The following PHF21A variants were observed in gnomAD, a reference collection of about 807,000 sequenced individuals.
PHF21A encodes the protein BHC80a.
PHF21A carries 11 observed loss-of-function variants against 82.5 expected under a neutral mutation model. The ratio of observed to expected loss-of-function variants is 0.13; its 90% confidence interval spans 0.08 to 0.22. The LOEUF (loss-of-function observed/expected upper bound fraction) is 0.22, where lower values mean the gene tolerates loss of function less well. Among genes scored for constraint, PHF21A ranks in the 10% least tolerant of loss-of-function variants. The probability of loss-of-function intolerance (pLI) is 1.00; values close to 1 mark genes in which losing one functional copy is unlikely to be tolerated. For missense variants in PHF21A, 579 were observed against 837.8 expected, an observed-to-expected ratio of 0.69 and a Z score of 3.81; for synonymous variants, 297 against 302.8, an observed-to-expected ratio of 0.98 and a Z score of 0.20.
intron 3 of PHF21A, 68 bp from the exon 4 acceptor site, chr11:46,084,370 T>G (rs2135262580): frequency 1.9e-6 from 1 of 532,284 alleles, no homozygotes; most frequent in East Asian, 3.6e-5. Context: ...GTTAAATAAA[T>G]TATGTTAGTA....
Position 45,979,833 on chromosome 11 carries a change from TGTA to T in PHF21A, c.284_286del (p.Leu95del), listed in dbSNP as rs756420499. 4 of 1,614,020 alleles carry T rather than the reference TGTA, an allele frequency of 2.5e-6. No individual in the cohort carries two copies. The highest frequency in any genetic ancestry group is 3.4e-6 in the Non-Finnish European group (4 of 1,180,030). On this transcript the variant is annotated inframe_deletion, in exon 7 of 19. Transcript: ENST00000676320. ...GTGGTGGTGGTACTGCTGCTGTTGT[TGTA>T]GTTGCTGTAGTGGTTGCTGCTGTGC...
intron 6 of PHF21A, among the ~76,000 whole-genome samples, chr11:46,033,353 C>T (rs957466231): frequency 5.3e-5 from 8 of 152,166 alleles, no homozygotes; most frequent in African/African-American, 1.9e-4. Context: ...CAGCCTCTGC[C>T]TCCTAGGCTC....
intron 6 of PHF21A, among the ~76,000 whole-genome samples, chr11:46,021,882 G>A (rs2095639735): frequency 6.6e-6 from 1 of 152,032 alleles, no homozygotes; most frequent in African/African-American, 2.4e-5. Context: ...CACATTTCAG[G>A]AATTCCTGAG....
At chr11:45,949,301 T>C in intron 13 of PHF21A, 101 bp downstream of exon 13, 2 of 945,404 alleles carry the variant, frequency 2.1e-6, no homozygotes. Context: ...CCAAGTACAA[T>C]CAGGGTGCTG....
chr11:46,023,825 G>A (rs909227333), intron 6 of PHF21A, among the ~76,000 whole-genome samples: 9 of 152,118 alleles, frequency 5.9e-5, no homozygotes, highest in African/African-American at 1.9e-4. Flanking sequence ...GTGTGGTGGC[G>A]GGTGCCTATA....
intron 6 of PHF21A, among the ~76,000 whole-genome samples, chr11:46,074,404 TA>T (rs1374434177): frequency 6.6e-6 from 1 of 150,838 alleles, no homozygotes; most frequent in Non-Finnish European, 1.5e-5. Flanking sequence ...TTTTAGTTAT[TA>T]AAGTGGAAGG....
At chr11:46,115,046 G>A (rs1372101135) in intron 1 of PHF21A, among the ~76,000 whole-genome samples, 1 of 152,152 alleles carries the variant, frequency 6.6e-6, no homozygotes, top group East Asian at 1.9e-4. Context: ...AAACATTTCT[G>A]TAACTGATTC....
chr11:46,082,335 G>A (rs1258595730), intron 4 of PHF21A, among the ~76,000 whole-genome samples: 1 of 152,126 alleles, frequency 6.6e-6, no homozygotes, highest in African/African-American at 2.4e-5. Context: ...TTCTGGCTTT[G>A]GTCTCAGCCT....
rs566810785 is a variant in PHF21A at position 46,011,918 on chromosome 11, A to G, written c.154-31952T>C. Among the ~76,000 whole-genome samples the G allele has an allele frequency of 5.3e-5, 8 of 152,364 alleles. No homozygotes were observed. In the South Asian group the frequency reaches 1.0e-3, roughly 20 times the overall value. On this transcript the variant is annotated intron_variant, in intron 6 of 18. Transcript: ENST00000676320. ...ACATTAATTTTAAAACATTAGGCAC[A>G]AAAATTAGAAGCAACCTGCACACTC...
intron 6 of PHF21A, among the ~76,000 whole-genome samples, chr11:46,013,651 T>G (rs1334522966): frequency 6.6e-6 from 1 of 152,170 alleles, no homozygotes; most frequent in Admixed American, 6.5e-5. Context: ...GCGAACATCA[T>G]ACAATGTACT....
chr11:46,004,262 A>G (rs569586502), intron 6 of PHF21A, among the ~76,000 whole-genome samples: 6 of 152,304 alleles, frequency 3.9e-5, no homozygotes, highest in African/African-American at 1.4e-4. Flanking sequence ...AAATAACTCA[A>G]TGCAAAAGAG....
chr11:45,988,541 TA>T (rs1482669521), intron 6 of PHF21A, among the ~76,000 whole-genome samples: 2 of 152,200 alleles, frequency 1.3e-5, no homozygotes, highest in Admixed American at 6.5e-5. Flanking sequence ...CTTAAAATCA[TA>T]ATTTAAAAAA....
intron 6 of PHF21A, chr11:46,026,706 G>T (rs555191300): frequency 6.6e-6 from 1 of 152,068 alleles, no homozygotes; most frequent in Non-Finnish European, 1.5e-5. Context: ...TTTTAAATCC[G>T]TAATTAAAAA....
intron 13 of PHF21A, 94 bp downstream of exon 13, chr11:45,949,308 G>A (rs1173841757): frequency 1.0e-6 from 1 of 990,360 alleles, no homozygotes; most frequent in Non-Finnish European, 1.6e-6. Context: ...CAATCAGGGT[G>A]CTGCTCTTCA....
chr11:46,077,048 A>G (rs1303012522), intron 5 of PHF21A, among the ~76,000 whole-genome samples: 1 of 152,234 alleles, frequency 6.6e-6, no homozygotes, highest in Non-Finnish European at 1.5e-5. Flanking sequence ...ACTGTTTTAA[A>G]TTACATGAAG....
At chr11:45,996,383 G>A (rs1418550774) in intron 6 of PHF21A, among the ~76,000 whole-genome samples, 2 of 152,160 alleles carry the variant, frequency 1.3e-5, no homozygotes, top group African/African-American at 2.4e-5. Context: ...GTATTTACTT[G>A]CTAAAGCATT....
intron 3 of PHF21A, among the ~76,000 whole-genome samples, chr11:46,087,271 G>C (rs1170846138): frequency 6.6e-6 from 1 of 152,188 alleles, no homozygotes; most frequent in Non-Finnish European, 1.5e-5. Context: ...AAAAGAAAAA[G>C]TTAAAACCAG....
At chr11:45,977,508 T>C (rs1427263687) in intron 7 of PHF21A, among the ~76,000 whole-genome samples, 2 of 152,212 alleles carry the variant, frequency 1.3e-5, no homozygotes, top group Non-Finnish European at 2.9e-5. Context: ...AAAACTCCTA[T>C]GTAACAGGAA....
At chr11:46,030,846 T>C (rs1045347636) in intron 6 of PHF21A, among the ~76,000 whole-genome samples, 7 of 150,764 alleles carry the variant, frequency 4.6e-5, no homozygotes, top group Admixed American at 3.3e-4. Context: ...TGTGTGTGTG[T>C]GTGTGTGTGT....
Sources: gnomAD v4.1 joint callset for allele counts (sites outside exome capture counted in the v4.1 genomes callset) on GRCh38, gnomAD v4.1.1 for gene constraint, MANE v1.5 for transcripts, NCBI Gene and HGNC (gene_info 2026-07-23, HGNC 2026-07-21) for gene names.